Variants in POU6F2 observed in about 807,000 individuals in gnomAD.
POU6F2 encodes POU class 6 homeobox 2, also known as POU domain, class 6, transcription factor 2.
POU6F2 carries 31 observed loss-of-function variants against 71.3 expected under a neutral mutation model. The observed-to-expected ratio is 0.43, with a 90% CI of 0.33 to 0.59. The LOEUF is 0.59. POU6F2 is among the 20% of genes least tolerant of loss of function. The pLI is 0.04. For synonymous variants in POU6F2, 347 were observed against 355.7 expected (o/e 0.98, Z 0.27); for missense variants, 783 against 856.8 (o/e 0.91, Z 1.07).
chr7:39,119,200 T>C (rs1442958983), intron 2 of POU6F2, among the ~76,000 whole-genome samples: 1 of 152,124 alleles, frequency 6.6e-6, no homozygotes, highest in Non-Finnish European at 1.5e-5. Flanking sequence ...CTGTTAGGAA[T>C]AGAACCCTGG....
chr7:39,008,102 A>G (rs1257957083), intron 1 of POU6F2, among the ~76,000 whole-genome samples: 4 of 130,642 alleles, frequency 3.1e-5, no homozygotes, highest in Admixed American at 8.1e-5. Flanking sequence ...GAATCGCCAC[A>G]CTGACTTCCA....
At chr7:39,064,713 TAA>T in intron 1 of POU6F2, among the ~76,000 whole-genome samples, 1 of 151,956 alleles carries the variant, frequency 6.6e-6, no homozygotes, top group East Asian at 1.9e-4. Flanking sequence ...ATCTTAGTTA[TAA>T]GAGACACACC....
At chr7:39,194,645 G>A (rs936045426) in intron 2 of POU6F2, among the ~76,000 whole-genome samples, 1 of 151,312 alleles carries the variant, frequency 6.6e-6, no homozygotes, top group Admixed American at 6.6e-5. Flanking sequence ...ATAAAAGCTG[G>A]CCACCTGAGC....
chr7:39,179,586 A>G (rs1049782442), intron 2 of POU6F2, among the ~76,000 whole-genome samples: 1 of 152,280 alleles, frequency 6.6e-6, no homozygotes, highest in African/African-American at 2.4e-5. Context: ...TGATACACAT[A>G]GAAACCACCT....
intron 2 of POU6F2, among the ~76,000 whole-genome samples, chr7:39,131,162 C>T (rs1243549200): frequency 6.6e-6 from 1 of 152,154 alleles, no homozygotes; most frequent in Non-Finnish European, 1.5e-5. Flanking sequence ...GCTCAGATTC[C>T]CGCTCCTCCG....
chr7:39,084,988 C>G (rs1353884132), intron 1 of POU6F2: 1 of 152,026 alleles, frequency 6.6e-6, no homozygotes, highest in African/African-American at 2.4e-5. Context: ...CCTAAAATGC[C>G]CTCCTTAATG....
At chr7:39,308,506 C>G (rs1406466571) in intron 4 of POU6F2, among the ~76,000 whole-genome samples, 1 of 152,178 alleles carries the variant, frequency 6.6e-6, no homozygotes, top group East Asian at 1.9e-4. Flanking sequence ...AATCTAGAAC[C>G]CACGGAAAGT....
rs1282574158 is a variant in POU6F2, at chr7:39,147,614, T to G, written c.278-56621T>G. The stretch of plus-strand genomic sequence containing the variant: ...ATCTCTTTCCCTTTTTTGTCTTCCA[T>G]TGTAAAAACACTCCAGTGTTTTTGC... On this transcript the variant is annotated intron_variant, in intron 2 of 9. Transcript: ENST00000518318. Among the ~76,000 whole-genome samples the G allele has an allele frequency of 2.0e-5, 3 of 152,208 alleles. No individual in the cohort carries two copies. In the East Asian group the frequency reaches 5.8e-4, roughly 29 times the overall value.
intron 2 of POU6F2, among the ~76,000 whole-genome samples, chr7:39,095,822 G>A (rs1018530380): frequency 2.5e-4 from 38 of 152,138 alleles, no homozygotes; most frequent in Admixed American, 2.3e-3. Flanking sequence ...AAATTAAAAC[G>A]TGCCGAAGAT....
intron 6 of POU6F2, among the ~76,000 whole-genome samples, chr7:39,430,419 C>T (rs1207113049): frequency 1.3e-5 from 2 of 152,168 alleles, no homozygotes; most frequent in African/African-American, 4.8e-5. Context: ...TTATCCTATC[C>T]TTGATAAGTG....
intron 1 of POU6F2, among the ~76,000 whole-genome samples, chr7:39,024,442 C>T (rs939321177): frequency 5.9e-5 from 9 of 152,120 alleles, no homozygotes; most frequent in African/African-American, 1.4e-4. Context: ...ACAATCATGT[C>T]GTCTGCAAAC....
At chr7:39,319,432 G>T (rs1457208794) in intron 4 of POU6F2, among the ~76,000 whole-genome samples, 3 of 152,100 alleles carry the variant, frequency 2.0e-5, no homozygotes, top group African/African-American at 7.2e-5. Flanking sequence ...GTGGTTTTTG[G>T]AAACCTCCCA....
chr7:39,060,645 A>G (rs978987571), intron 1 of POU6F2, among the ~76,000 whole-genome samples: 2 of 152,202 alleles, frequency 1.3e-5, no homozygotes, highest in Non-Finnish European at 2.9e-5. Flanking sequence ...GTAGTCCAAC[A>G]ATGCTGTGTA....
intron 2 of POU6F2, among the ~76,000 whole-genome samples, chr7:39,161,868 G>T (rs1793005827): frequency 6.6e-6 from 1 of 152,162 alleles, no homozygotes. Context: ...ACCAAGAATT[G>T]GGTGTCTTCT....
At chr7:39,156,334 G>C (rs2128735595) in intron 2 of POU6F2, among the ~76,000 whole-genome samples, 1 of 152,192 alleles carries the variant, frequency 6.6e-6, no homozygotes, top group East Asian at 1.9e-4. Context: ...GACTTTTGAG[G>C]CTTTTCCATT....
intron 1 of POU6F2, among the ~76,000 whole-genome samples, chr7:39,027,877 C>T (rs538389876): frequency 6.6e-6 from 1 of 152,062 alleles, no homozygotes; most frequent in Non-Finnish European, 1.5e-5. Flanking sequence ...TTCTTTTCTA[C>T]CTGGGGTACA....
At chr7:39,332,223 A>T (rs1785669872) in intron 4 of POU6F2, among the ~76,000 whole-genome samples, 1 of 152,050 alleles carries the variant, frequency 6.6e-6, no homozygotes, top group Admixed American at 6.5e-5. Flanking sequence ...AAAATCTGAG[A>T]TATTTTTTCA....
chr7:39,078,522 G>T (rs1202654339), intron 1 of POU6F2, among the ~76,000 whole-genome samples: 1 of 152,182 alleles, frequency 6.6e-6, no homozygotes, highest in East Asian at 1.9e-4. Context: ...GCAGCAAAAT[G>T]CAGGGTGAAG....
chr7:39,320,961 T>TG (rs1479469064), intron 4 of POU6F2, among the ~76,000 whole-genome samples: 1 of 152,044 alleles, frequency 6.6e-6, no homozygotes, highest in East Asian at 1.9e-4. Context: ...GAGGCTGAAG[T>TG]GGGAGGATCG....
Sources: allele counts gnomAD v4.1 joint callset (sites outside exome capture counted in the v4.1 genomes callset), GRCh38; gene constraint gnomAD v4.1.1; transcripts MANE v1.5; gene names NCBI Gene and HGNC (gene_info 2026-07-23, HGNC 2026-07-21).